Variants in ADGRB3 observed in about 807,000 individuals in gnomAD.
ADGRB3 encodes the protein brain-specific angiogenesis inhibitor 3.
In ADGRB3, 37 loss-of-function variants were observed where a neutral mutation model predicts 193.4. The ratio of observed to expected loss-of-function variants is 0.19; its 90% CI spans 0.15 to 0.25. The LOEUF (loss-of-function observed/expected upper bound fraction) is 0.25. Ranked by LOEUF, ADGRB3 falls within the 10% of genes least tolerant of loss-of-function variation. ADGRB3 has a pLI of 1.00. For synonymous variants in ADGRB3, 690 were observed against 644.2 expected, an observed-to-expected ratio of 1.07 and a Z score of -1.08; for missense variants, 1,637 against 1,852.9, an observed-to-expected ratio of 0.88 and a Z score of 2.14.
At chr6:68,682,671 T>C (rs1232182021) in intron 3 of ADGRB3, among the ~76,000 whole-genome samples, 1 of 152,174 alleles carries the variant, frequency 6.6e-6, no homozygotes, top group African/African-American at 2.4e-5. Context: ...ATGAAATAAC[T>C]ATATTTGACT....
intron 3 of ADGRB3, among the ~76,000 whole-genome samples, chr6:68,744,687 T>G (rs993132353): frequency 2.0e-5 from 3 of 151,950 alleles, no homozygotes; most frequent in Non-Finnish European, 2.9e-5. Flanking sequence ...AGTTGAACAA[T>G]GAGAACACAT....
At chr6:69,087,433 A>G (rs1772582055) in intron 17 of ADGRB3, among the ~76,000 whole-genome samples, 1 of 152,096 alleles carries the variant, frequency 6.6e-6, no homozygotes, top group Non-Finnish European at 1.5e-5. Context: ...CAGTGTTATG[A>G]GGGAGGGGGA....
chr6:69,170,899 A>G (rs1417202672), intron 17 of ADGRB3, among the ~76,000 whole-genome samples: 1 of 152,190 alleles, frequency 6.6e-6, no homozygotes, highest in Non-Finnish European at 1.5e-5. Flanking sequence ...AAGGTGACAT[A>G]GAAAGTGTTA....
chr6:69,297,178 G>A (rs1305357360), intron 20 of ADGRB3, among the ~76,000 whole-genome samples: 1 of 152,050 alleles, frequency 6.6e-6, no homozygotes, highest in East Asian at 1.9e-4. Flanking sequence ...GGAAGTCATG[G>A]TTGTTTCCAG....
At chr6:69,080,327 A>T (rs1205354443) in intron 17 of ADGRB3, among the ~76,000 whole-genome samples, 2 of 152,062 alleles carry the variant, frequency 1.3e-5, no homozygotes, top group East Asian at 1.9e-4. Context: ...TTAAATACTT[A>T]TACAAAGTGT....
intron 3 of ADGRB3, among the ~76,000 whole-genome samples, chr6:68,865,507 C>T (rs1418558758): frequency 1.3e-5 from 2 of 152,030 alleles, no homozygotes; most frequent in Non-Finnish European, 1.5e-5. Flanking sequence ...TGGGATCTTC[C>T]TGCTCAGTTA....
chr6:69,309,984 C>T (rs73471328), intron 20 of ADGRB3, among the ~76,000 whole-genome samples: 2,498 of 151,770 alleles, frequency 0.016, 63 homozygotes, highest in African/African-American at 0.053. Context: ...CCCTGTCTTC[C>T]TCAACCTTGG....
At chr6:68,831,270 C>T (rs1016081411) in intron 3 of ADGRB3, among the ~76,000 whole-genome samples, 2 of 125,682 alleles carry the variant, frequency 1.6e-5, no homozygotes, top group African/African-American at 3.0e-5. Flanking sequence ...ACTTAGGCGG[C>T]GGGAAAATGG....
chr6:68,718,428 A>G (rs1765520855), intron 3 of ADGRB3, among the ~76,000 whole-genome samples: 1 of 151,774 alleles, frequency 6.6e-6, no homozygotes, highest in Admixed American at 6.6e-5. Context: ...GTTTTACAAA[A>G]CATGACTGCC....
intron 17 of ADGRB3, among the ~76,000 whole-genome samples, chr6:69,077,949 G>A (rs1772280821): frequency 1.3e-5 from 2 of 151,880 alleles, no homozygotes; most frequent in South Asian, 4.1e-4. Flanking sequence ...GTTTTTCTGG[G>A]TGAGCTTTAA....
At chr6:69,031,521 C>CTCTCTTTCTT (rs1770688512) in intron 13 of ADGRB3, among the ~76,000 whole-genome samples, 3 of 47,588 alleles carry the variant, frequency 6.3e-5, no homozygotes, top group African/African-American at 1.5e-4. Flanking sequence ...TGAGTTGTCT[C>CTCTCTTTCTT]TTTCTTTCTT....
At chr6:68,752,780 T>C (rs1393000120) in intron 3 of ADGRB3, among the ~76,000 whole-genome samples, 4 of 152,178 alleles carry the variant, frequency 2.6e-5, no homozygotes, top group Admixed American at 6.5e-5. Flanking sequence ...CATTACATAT[T>C]TGGTTAAATG....
intron 16 of ADGRB3, among the ~76,000 whole-genome samples, chr6:69,071,358 A>G (rs1413353499): frequency 9.1e-6 from 1 of 109,496 alleles, no homozygotes; most frequent in African/African-American, 2.6e-5. Context: ...ATGCAGTTCA[A>G]CAAAAGAGAA....
chr6:68,928,404 G>T (rs905951925), intron 3 of ADGRB3, among the ~76,000 whole-genome samples: 1 of 152,058 alleles, frequency 6.6e-6, no homozygotes, highest in Non-Finnish European at 1.5e-5. Context: ...GGTGGATGGT[G>T]CTTGTTGTCT....
chr6:69,272,819 G>A (rs1767210421), intron 20 of ADGRB3, among the ~76,000 whole-genome samples: 1 of 152,192 alleles, frequency 6.6e-6, no homozygotes, highest in African/African-American at 2.4e-5. Context: ...CTGGCAGCTA[G>A]TCTGAGCCAG....
intron 17 of ADGRB3, among the ~76,000 whole-genome samples, chr6:69,197,953 A>C (rs1421307082): frequency 6.6e-6 from 1 of 152,022 alleles, no homozygotes; most frequent in Non-Finnish European, 1.5e-5. Flanking sequence ...TTCATTTCCT[A>C]ATACCTTTAT....
intron 17 of ADGRB3, among the ~76,000 whole-genome samples, chr6:69,190,808 AT>A (rs1274810875): frequency 6.6e-6 from 1 of 151,966 alleles, no homozygotes; most frequent in African/African-American, 2.4e-5. Context: ...TATTTTTATT[AT>A]TTTTTCTATG....
Position 69,361,223 on chromosome 6 carries a change from A to T in ADGRB3, c.3950A>T (p.Asn1317Ile). 1 of 1,612,814 alleles carries T rather than the reference A, an allele frequency of 6.2e-7. No homozygotes were observed. Among genetic ancestry groups the T allele is most frequent in the Non-Finnish European group, 8.5e-7 (1 of 1,179,314 alleles). The change falls in exon 29 of 32, where the codon AAT (asparagine) becomes ATT (isoleucine). Residue 1317 changes from asparagine to isoleucine, a missense_variant. Asn to Ile is a moderately radical substitution (Grantham distance 149). This residue lies in a region of ADGRB3 where 368 missense variants were observed against 367.4 expected (regional missense o/e 1.00). Transcript: ENST00000370598. ...ATTGTGATGCCCAGAAGTTCTGTAA[A>T]TAACCAGCCTTCAATGAAAGAAGAA... ...DYIVMPRSSV[N>I]NQPSMKEESK...
intron 17 of ADGRB3, among the ~76,000 whole-genome samples, chr6:69,121,681 C>T (rs905141122): frequency 1.3e-5 from 2 of 150,412 alleles, no homozygotes; most frequent in Non-Finnish European, 3.0e-5. Context: ...GGCCGAGGCA[C>T]TCCTCACCTC....
Sources: gnomAD v4.1 joint callset for allele counts (sites outside exome capture counted in the v4.1 genomes callset) on GRCh38, gnomAD v4.1.1 for gene constraint, gnomAD v4.1.1 regional missense constraint, MANE v1.5 for transcripts, NCBI Gene and HGNC (gene_info 2026-07-23, HGNC 2026-07-21) for gene names.